CCSER1: variants seen among roughly 807,000 people sequenced by gnomAD.
CCSER1 encodes serine-rich coiled-coil domain-containing protein 1.
A neutral mutation model predicts 82.0 loss-of-function variants in CCSER1; 41 were observed. That is an observed-to-expected ratio of 0.50 (90% CI 0.39 to 0.65). The LOEUF is 0.65. CCSER1 is among the 30% of genes least tolerant of loss of function. CCSER1 has a pLI of 0.00. For synonymous variants in CCSER1, 414 were observed against 383.9 expected (o/e 1.08, Z -0.92); for missense variants, 1,119 against 1,064.2 (o/e 1.05, Z -0.72).
At chr4:91,262,993 G>A (rs1427234801) in intron 10 of CCSER1, among the ~76,000 whole-genome samples, 4 of 151,902 alleles carry the variant, frequency 2.6e-5, no homozygotes, top group Admixed American at 6.6e-5. Flanking sequence ...ACCATTCTGG[G>A]CCTTAATATC....
intron 1 of CCSER1, among the ~76,000 whole-genome samples, chr4:90,231,286 G>T (rs1449601603): frequency 2.0e-5 from 3 of 151,964 alleles, no homozygotes; most frequent in African/African-American, 7.3e-5. Context: ...GATCAAGTGG[G>T]TTCATCCCTG....
chr4:90,181,887 G>A (rs1184119302), intron 1 of CCSER1, among the ~76,000 whole-genome samples: 2 of 152,112 alleles, frequency 1.3e-5, no homozygotes, highest in Non-Finnish European at 2.9e-5. Flanking sequence ...GACAGCCACA[G>A]CCCATAAAAG....
chr4:90,560,619 A>G (rs1314589646), intron 5 of CCSER1, among the ~76,000 whole-genome samples: 2 of 152,096 alleles, frequency 1.3e-5, no homozygotes, highest in East Asian at 3.9e-4. Flanking sequence ...TGGGATTTTA[A>G]TCTGTTAATT....
At chr4:90,838,069 A>G (rs1451210205) in intron 8 of CCSER1, among the ~76,000 whole-genome samples, 1 of 152,106 alleles carries the variant, frequency 6.6e-6, no homozygotes, top group Non-Finnish European at 1.5e-5. Context: ...TTCAGTATAA[A>G]AAAGAAAAAA....
intron 4 of CCSER1, among the ~76,000 whole-genome samples, chr4:90,435,881 C>T (rs1293241354): frequency 1.3e-5 from 2 of 150,352 alleles, no homozygotes; most frequent in African/African-American, 2.4e-5. Flanking sequence ...TTTTTTTTTT[C>T]AATCTATATA....
At chr4:91,100,432 G>A (rs1200255488) in intron 10 of CCSER1, among the ~76,000 whole-genome samples, 1 of 152,034 alleles carries the variant, frequency 6.6e-6, no homozygotes, top group Non-Finnish European at 1.5e-5. Flanking sequence ...CTGTCAGAGA[G>A]TGTTTGAGTG....
intron 1 of CCSER1, among the ~76,000 whole-genome samples, chr4:90,143,440 A>G (rs1420900015): frequency 1.3e-5 from 2 of 150,030 alleles, no homozygotes; most frequent in Non-Finnish European, 3.0e-5. Context: ...AACACAGTTC[A>G]TGTTTGGTTT....
intron 9 of CCSER1, among the ~76,000 whole-genome samples, chr4:90,954,100 A>G (rs1733189686): frequency 6.6e-6 from 1 of 152,044 alleles, no homozygotes; most frequent in Non-Finnish European, 1.5e-5. Flanking sequence ...TGATTTTTAT[A>G]ACATTTCTCT....
At chr4:91,594,422 CATAT>C (rs1183157802) in intron 10 of CCSER1, among the ~76,000 whole-genome samples, 2 of 146,816 alleles carry the variant, frequency 1.4e-5, no homozygotes, top group African/African-American at 5.0e-5. Context: ...CATATATATA[CATAT>C]ATACATATAC....
At chr4:90,810,106 G>A (rs1554018510) in intron 7 of CCSER1, among the ~76,000 whole-genome samples, 1 of 151,958 alleles carries the variant, frequency 6.6e-6, no homozygotes, top group Non-Finnish European at 1.5e-5. Flanking sequence ...AATTGTATTG[G>A]AAAAAAACAT....
chr4:90,496,971 C>CAAAAAAAAAAAAAAAAAAAAA, intron 5 of CCSER1, among the ~76,000 whole-genome samples: 1 of 55,222 alleles, frequency 1.8e-5, no homozygotes, highest in African/African-American at 5.6e-5. Context: ...AGCGAGACTA[C>CAAAAAAAAAAAAAAAAAAAAA]AAAAAAAAAA....
intron 9 of CCSER1, among the ~76,000 whole-genome samples, chr4:90,933,188 T>G (rs1358501721): frequency 2.0e-5 from 2 of 98,680 alleles, no homozygotes; most frequent in East Asian, 2.4e-4. Context: ...TGTGTGATTT[T>G]ATTTTATTTT....
intron 7 of CCSER1, among the ~76,000 whole-genome samples, chr4:90,757,778 A>T (rs1354139266): frequency 6.6e-6 from 1 of 150,606 alleles, no homozygotes; most frequent in African/African-American, 2.4e-5. Context: ...GCCAAGGAGC[A>T]CATCAAAGAG....
rs528623988 is a variant in CCSER1 at position 90,855,004 on chromosome 4, C to T, written c.2094+39159C>T. On this transcript the variant is annotated intron_variant, in intron 8 of 10. Transcript: ENST00000509176. ...GCACGAGAGAGTGTGTGTGTGTGTGCGAGAGAGCAAAGGGGGAAGTGCTAC... is the reference window on the plus strand; with the variant it reads ...GCACGAGAGAGTGTGTGTGTGTGTGTGAGAGAGCAAAGGGGGAAGTGCTAC... Among the ~76,000 whole-genome samples, 331 of 135,486 alleles carry T rather than the reference C, an allele frequency of 2.4e-3. 1 individual carries two copies. Among genetic ancestry groups the T allele is most frequent in the African/African-American group, 8.9e-3 (318 of 35,792 alleles). 88.9% of individuals were successfully genotyped at this position (135,486 alleles called of 152,430 possible).
intron 5 of CCSER1, among the ~76,000 whole-genome samples, chr4:90,491,443 A>G (rs941379627): frequency 9.8e-5 from 15 of 152,296 alleles, no homozygotes; most frequent in African/African-American, 3.1e-4. Flanking sequence ...TTCTAAATAT[A>G]CAATCATGTT....
chr4:90,552,817 T>G (rs747567191), intron 5 of CCSER1, among the ~76,000 whole-genome samples: 1 of 152,204 alleles, frequency 6.6e-6, no homozygotes, highest in Non-Finnish European at 1.5e-5. Flanking sequence ...TTAACAGCTC[T>G]GATTTATTGA....
At chr4:91,593,227 T>C (rs1764350153) in intron 10 of CCSER1, among the ~76,000 whole-genome samples, 1 of 152,176 alleles carries the variant, frequency 6.6e-6, no homozygotes, top group Admixed American at 6.5e-5. Flanking sequence ...GCAGTTGTAA[T>C]GCAGTTTAAA....
intron 3 of CCSER1, among the ~76,000 whole-genome samples, chr4:90,373,252 G>A (rs1747753305): frequency 6.6e-6 from 1 of 152,096 alleles, no homozygotes; most frequent in Non-Finnish European, 1.5e-5. Context: ...ATTGCTCTAA[G>A]TGATATGATA....
chr4:91,345,573 G>A (rs1310170827), intron 10 of CCSER1, among the ~76,000 whole-genome samples: 1 of 152,070 alleles, frequency 6.6e-6, no homozygotes, highest in Admixed American at 6.6e-5. Flanking sequence ...AGCAGAAAGT[G>A]CAGGTCCCCT....
Sources: allele counts gnomAD v4.1 joint callset (sites outside exome capture counted in the v4.1 genomes callset), GRCh38; gene constraint gnomAD v4.1.1; transcripts MANE v1.5; gene names NCBI Gene and HGNC (gene_info 2026-07-23, HGNC 2026-07-21).